Variants in NR2F1-AS1 observed in about 807,000 individuals in gnomAD.
NR2F1-AS1 encodes the protein NR2F1 regulatory antisense RNA 1.
chr5:93,525,984 G>A (rs1304598431), intron 4 of NR2F1-AS1, among the ~76,000 whole-genome samples: 1 of 152,098 alleles, frequency 6.6e-6, no homozygotes, highest in African/African-American at 2.4e-5. Context: ...AAAGCTATAG[G>A]AAGACAAGAA....
At chr5:93,414,440 C>G (rs1323640189) in intron 4 of NR2F1-AS1, among the ~76,000 whole-genome samples, 1 of 152,132 alleles carries the variant, frequency 6.6e-6, no homozygotes, top group Non-Finnish European at 1.5e-5. Flanking sequence ...ACCCTTAGTA[C>G]TAATATATGT....
At chr5:93,514,617 T>C (rs1336889342) in intron 4 of NR2F1-AS1, among the ~76,000 whole-genome samples, 1 of 152,120 alleles carries the variant, frequency 6.6e-6, no homozygotes, top group Non-Finnish European at 1.5e-5. Context: ...TATTAACATA[T>C]CTCTTTTATT....
intron 4 of NR2F1-AS1, among the ~76,000 whole-genome samples, chr5:93,444,838 A>G (rs1749660123): frequency 6.6e-6 from 1 of 152,258 alleles, no homozygotes; most frequent in Non-Finnish European, 1.5e-5. Flanking sequence ...AACAGAAATT[A>G]TAACAAACTG....
chr5:93,521,375 ACTTAAGAGCTTCTG>A (rs1342630670), intron 4 of NR2F1-AS1, among the ~76,000 whole-genome samples: 7 of 152,214 alleles, frequency 4.6e-5, no homozygotes, highest in Non-Finnish European at 2.9e-5. Context: ...ATCTAGGTAT[ACTTAAGAGCTTCTG>A]CACAGCAAAA....
chr5:93,437,769 C>T (rs1162344569), intron 4 of NR2F1-AS1, among the ~76,000 whole-genome samples: 3 of 152,164 alleles, frequency 2.0e-5, no homozygotes, highest in Non-Finnish European at 2.9e-5. Flanking sequence ...GCAACTATCA[C>T]GTTATTAACA....
At chr5:93,494,701 G>GA (rs1292308214) in intron 4 of NR2F1-AS1, among the ~76,000 whole-genome samples, 1 of 152,150 alleles carries the variant, frequency 6.6e-6, no homozygotes, top group African/African-American at 2.4e-5. Flanking sequence ...AGCTGCTGTG[G>GA]AAAACAGTTT....
At chr5:93,458,850 A>C (rs1397617534) in intron 4 of NR2F1-AS1, among the ~76,000 whole-genome samples, 2 of 151,920 alleles carry the variant, frequency 1.3e-5, no homozygotes, top group African/African-American at 4.8e-5. Context: ...TCTCTACTAA[A>C]AATACAAAAA....
chr5:93,464,941 C>A (rs113938151), intron 4 of NR2F1-AS1, among the ~76,000 whole-genome samples: 2,355 of 152,342 alleles, frequency 0.015, 32 homozygotes, highest in Non-Finnish European at 0.023. Context: ...GTAGTATCAT[C>A]TAGCGCAAGC....
At chr5:93,549,637 A>C (rs1752177328) in intron 4 of NR2F1-AS1, among the ~76,000 whole-genome samples, 1 of 152,116 alleles carries the variant, frequency 6.6e-6, no homozygotes. Context: ...TTTTCAGTGA[A>C]GTGACTTCAC....
chr5:93,471,138 G>T (rs1750356338), intron 4 of NR2F1-AS1, among the ~76,000 whole-genome samples: 1 of 151,826 alleles, frequency 6.6e-6, no homozygotes, highest in Non-Finnish European at 1.5e-5. Context: ...AATTAGACAA[G>T]AATCAATTAG....
chr5:93,562,593 C>T (rs1408242147), intron 2 of NR2F1-AS1, among the ~76,000 whole-genome samples: 2 of 152,076 alleles, frequency 1.3e-5, no homozygotes, highest in Non-Finnish European at 2.9e-5. Context: ...CATACCCAGC[C>T]TCAATTCCAA....
At chr5:93,466,372 C>T (rs996863230) in intron 4 of NR2F1-AS1, among the ~76,000 whole-genome samples, 2 of 151,588 alleles carry the variant, frequency 1.3e-5, no homozygotes, top group African/African-American at 4.9e-5. Flanking sequence ...GCTCTGTCAC[C>T]CAGGCACTGG....
chr5:93,546,408 T>C (rs954865866), intron 4 of NR2F1-AS1, among the ~76,000 whole-genome samples: 3 of 152,194 alleles, frequency 2.0e-5, no homozygotes, highest in Admixed American at 6.5e-5. Context: ...AGGTTGACTA[T>C]TTTATACATT....
chr5:93,581,571 C>G (rs1177105840), upstream of NR2F1-AS1, among the ~76,000 whole-genome samples: 1 of 151,588 alleles, frequency 6.6e-6, no homozygotes, highest in African/African-American at 2.4e-5. Context: ...GCAGCCGGAG[C>G]CAGCGATTCC....
intron 4 of NR2F1-AS1, among the ~76,000 whole-genome samples, chr5:93,441,228 A>G (rs992494941): frequency 1.3e-5 from 2 of 152,250 alleles, no homozygotes; most frequent in Non-Finnish European, 2.9e-5. Context: ...CAACTTGTTC[A>G]TTAACTTTTT....
At chr5:93,509,139 A>T (rs1166320340) in intron 4 of NR2F1-AS1, among the ~76,000 whole-genome samples, 1 of 152,190 alleles carries the variant, frequency 6.6e-6, no homozygotes, top group Non-Finnish European at 1.5e-5. Flanking sequence ...CATTCATATA[A>T]TAAAACACTG....
chr5:93,451,143 G>A (rs1454769655), intron 4 of NR2F1-AS1, among the ~76,000 whole-genome samples: 3 of 151,878 alleles, frequency 2.0e-5, no homozygotes, highest in Admixed American at 6.6e-5. Flanking sequence ...TTTCAGGAAA[G>A]TGATACCCCA....
chr5:93,583,645 A>G (rs1412381048), upstream of NR2F1-AS1: 1 of 151,904 alleles, frequency 6.6e-6, no homozygotes, highest in Non-Finnish European at 1.5e-5. Context: ...AAGAGCACTT[A>G]TTTAAAATAC....
intron 4 of NR2F1-AS1, among the ~76,000 whole-genome samples, chr5:93,439,560 C>T (rs1307175007): frequency 6.6e-6 from 1 of 152,220 alleles, no homozygotes; most frequent in Non-Finnish European, 1.5e-5. Flanking sequence ...TCCCAAAGTG[C>T]TGGGATTACA....
Sources: allele counts gnomAD v4.1 joint callset (sites outside exome capture counted in the v4.1 genomes callset), GRCh38; gene constraint gnomAD v4.1.1; transcripts MANE v1.5; gene names NCBI Gene and HGNC (gene_info 2026-07-23, HGNC 2026-07-21).